The following GPHN variants were observed in gnomAD, a reference collection of about 807,000 sequenced individuals.
GPHN encodes the protein gephyrin.
A neutral mutation model predicts 95.5 loss-of-function variants in GPHN; 17 were observed. That is an observed-to-expected ratio of 0.18 (90% CI 0.12 to 0.27). The LOEUF (loss-of-function observed/expected upper bound fraction) is 0.27. Ranked by LOEUF, GPHN falls within the 10% of genes least tolerant of loss-of-function variation. GPHN has a pLI of 1.00. For synonymous variants in GPHN, 320 were observed against 322.5 expected (o/e 0.99, Z 0.08); for missense variants, 660 against 978.1 (o/e 0.67, Z 4.34).
chr14:67,327,342 C>T, the GPHN span, among the ~76,000 whole-genome samples: 3 of 151,324 alleles, frequency 2.0e-5, no homozygotes, highest in African/African-American at 7.3e-5. Flanking sequence ...AACTGCTAAA[C>T]TGTTTTTAGT....
chr14:67,050,419 A>G (rs1026106782), intron 10 of GPHN, among the ~76,000 whole-genome samples: 4 of 152,222 alleles, frequency 2.6e-5, no homozygotes, highest in Admixed American at 6.5e-5. Context: ...AGTATCTACT[A>G]TAAGTGTAAG....
intron 3 of GPHN, among the ~76,000 whole-genome samples, chr14:66,810,167 C>T (rs2060701657): frequency 1.3e-5 from 2 of 151,844 alleles, no homozygotes; most frequent in Non-Finnish European, 2.9e-5. Flanking sequence ...ATTTCCTCCA[C>T]TATTCTTTAC....
At chr14:66,711,111 T>C (rs964328801) in intron 2 of GPHN, among the ~76,000 whole-genome samples, 1 of 152,142 alleles carries the variant, frequency 6.6e-6, no homozygotes, top group Non-Finnish European at 1.5e-5. Context: ...GTAAGTTCTT[T>C]AGTGGTGATT....
At chr14:66,630,588 C>T (rs974983943) in intron 1 of GPHN, among the ~76,000 whole-genome samples, 3 of 151,958 alleles carry the variant, frequency 2.0e-5, no homozygotes, top group Non-Finnish European at 2.9e-5. Flanking sequence ...TCTCCTGCAT[C>T]AGTCTCCTGA....
chr14:67,383,636 A>T, the GPHN span: 1 of 647,442 alleles, frequency 1.5e-6, no homozygotes, highest in Non-Finnish European at 2.5e-6. Flanking sequence ...TAGCTCCAAC[A>T]CTTTGAGCAT....
At chr14:66,521,566 C>G (rs1274433816) in intron 1 of GPHN, among the ~76,000 whole-genome samples, 1 of 152,148 alleles carries the variant, frequency 6.6e-6, no homozygotes, top group Non-Finnish European at 1.5e-5. Flanking sequence ...ACTAGCAGAT[C>G]TGGTCTGGTG....
chr14:67,393,152 A>C, the GPHN span: 539 of 1,609,378 alleles, frequency 3.3e-4, no homozygotes, highest in Non-Finnish European at 4.1e-4. Context: ...AGGCTCACCG[A>C]GGAAGGTCTT....
chr14:67,059,927 T>G (rs2075758127), intron 11 of GPHN, among the ~76,000 whole-genome samples: 1 of 152,154 alleles, frequency 6.6e-6, no homozygotes. Flanking sequence ...ATTAACTATG[T>G]GATTTCAGAA....
chr14:66,797,540 C>T (rs1363992055), intron 3 of GPHN, among the ~76,000 whole-genome samples: 3 of 151,702 alleles, frequency 2.0e-5, no homozygotes, highest in Non-Finnish European at 4.4e-5. Context: ...TCATTAAGAT[C>T]TTTTGCTCTT....
At chr14:66,921,444 G>GTTT (rs1161971475) in intron 6 of GPHN, among the ~76,000 whole-genome samples, 1 of 129,170 alleles carries the variant, frequency 7.7e-6, no homozygotes, top group Admixed American at 7.6e-5. Context: ...TGATGGGATT[G>GTTT]TTTTTTTTTT....
At chr14:67,369,855 C>T in the GPHN span, among the ~76,000 whole-genome samples, 2 of 152,192 alleles carry the variant, frequency 1.3e-5, no homozygotes, top group African/African-American at 2.4e-5. Flanking sequence ...GAGACCAGCT[C>T]TGTTGGGGAG....
At chr14:67,077,644 A>C (rs1312726690) in intron 11 of GPHN, among the ~76,000 whole-genome samples, 1 of 152,164 alleles carries the variant, frequency 6.6e-6, no homozygotes, top group African/African-American at 2.4e-5. Context: ...TGAATCGATA[A>C]AGACTTTTTC....
intron 9 of GPHN, among the ~76,000 whole-genome samples, chr14:67,010,764 G>A (rs926324393): frequency 3.9e-5 from 6 of 151,976 alleles, no homozygotes; most frequent in African/African-American, 1.2e-4. Context: ...ATAACTGAGC[G>A]ATGCAAGACA....
chr14:67,364,433 C>A, the GPHN span: 1 of 211,738 alleles, frequency 4.7e-6, no homozygotes, highest in East Asian at 1.3e-4. Flanking sequence ...TTTGATATGC[C>A]TTAAAGTAGT....
At chr14:66,644,761 A>G (rs2064635282) in intron 1 of GPHN, among the ~76,000 whole-genome samples, 1 of 152,194 alleles carries the variant, frequency 6.6e-6, no homozygotes, top group African/African-American at 2.4e-5. Flanking sequence ...CCACTGTGCC[A>G]GTAAAAGACA....
chr14:67,112,958 C>T, intron 15 of GPHN, 60 bp from the exon 16 acceptor site: 1 of 1,523,652 alleles, frequency 6.6e-7, no homozygotes, highest in Non-Finnish European at 9.1e-7. Context: ...AAGTTTCCCT[C>T]TGAGTTGAGA....
the GPHN span, among the ~76,000 whole-genome samples, chr14:67,205,364 G>A: frequency 6.6e-6 from 1 of 152,164 alleles, no homozygotes; most frequent in Non-Finnish European, 1.5e-5. Context: ...AACCAAGTTA[G>A]ACTCTCAACC....
chr14:67,644,408 T>C, the GPHN span, among the ~76,000 whole-genome samples: 3,414 of 152,308 alleles, frequency 0.022, 139 homozygotes, highest in African/African-American at 0.078. Flanking sequence ...ACTAAAACTC[T>C]AGTATTCTGA....
At chr14:67,602,275 TCTCGTGAGAGAA>T in the GPHN span, among the ~76,000 whole-genome samples, 3 of 152,062 alleles carry the variant, frequency 2.0e-5, no homozygotes, top group Non-Finnish European at 4.4e-5. Context: ...AACCGTCAGA[TCTCGTGAGAGAA>T]CTCACTCAGC....
Sources: allele counts gnomAD v4.1 joint callset (sites outside exome capture counted in the v4.1 genomes callset), GRCh38; gene constraint gnomAD v4.1.1; transcripts MANE v1.5; gene names NCBI Gene and HGNC (gene_info 2026-07-23, HGNC 2026-07-21).